The following ASTN1 variants were observed in gnomAD, a reference collection of about 807,000 sequenced individuals.
The protein encoded by ASTN1 is astrotactin 1.
Under a neutral mutation model 140.7 loss-of-function variants are expected in ASTN1, and 41 were observed. The ratio of observed to expected loss-of-function variants is 0.29; its 90% CI spans 0.23 to 0.38. ASTN1 has a LOEUF of 0.38. Ranked by LOEUF, ASTN1 falls within the 10% of genes least tolerant of loss-of-function variation. The pLI, the probability that ASTN1 is intolerant of heterozygous loss-of-function variation, is 1.00. For missense variants in ASTN1, 1,479 were observed against 1,678.8 expected (o/e 0.88, Z 2.08); for synonymous variants, 640 against 652.2 (o/e 0.98, Z 0.29).
intron 11 of ASTN1, among the ~76,000 whole-genome samples, chr1:176,955,684 C>T (rs1248069486): frequency 6.6e-6 from 1 of 152,182 alleles, no homozygotes; most frequent in Non-Finnish European, 1.5e-5. Flanking sequence ...TACAAAAATC[C>T]ATCAGCATAG....
At chr1:177,106,701 G>A (rs570775688) in intron 1 of ASTN1, among the ~76,000 whole-genome samples, 4 of 152,262 alleles carry the variant, frequency 2.6e-5, no homozygotes, top group African/African-American at 9.6e-5. Flanking sequence ...CTCATTTCCT[G>A]CAATTCACAG....
intron 1 of ASTN1, among the ~76,000 whole-genome samples, chr1:177,069,240 A>T (rs924192406): frequency 1.3e-5 from 2 of 152,140 alleles, no homozygotes; most frequent in Non-Finnish European, 2.9e-5. Context: ...TTTTCAATGA[A>T]TTATTAACCT....
intron 1 of ASTN1, among the ~76,000 whole-genome samples, chr1:177,161,547 G>C (rs1260694299): frequency 6.6e-6 from 1 of 152,194 alleles, no homozygotes; most frequent in African/African-American, 2.4e-5. Flanking sequence ...CCACCTAATA[G>C]AGAAAGGGCA....
intron 8 of ASTN1, among the ~76,000 whole-genome samples, chr1:176,994,707 C>T (rs553523763): frequency 5.3e-5 from 8 of 152,212 alleles, no homozygotes; most frequent in Admixed American, 3.9e-4. Flanking sequence ...TCAGCTAAAA[C>T]GGCCTTTGTG....
chr1:177,013,158 A>C (rs1675377033), intron 8 of ASTN1, among the ~76,000 whole-genome samples: 1 of 152,118 alleles, frequency 6.6e-6, no homozygotes, highest in Admixed American at 6.5e-5. Context: ...CTGCCCTTCT[A>C]CAAACACCTT....
intron 1 of ASTN1, among the ~76,000 whole-genome samples, chr1:177,127,851 G>A (rs1681733258): frequency 6.6e-6 from 1 of 152,218 alleles, no homozygotes; most frequent in South Asian, 2.1e-4. Context: ...GTACGCATAT[G>A]ATGCAAAACG....
At chr1:177,104,938 T>C (rs574615020) in intron 1 of ASTN1, among the ~76,000 whole-genome samples, 6 of 152,190 alleles carry the variant, frequency 3.9e-5, no homozygotes, top group Admixed American at 3.9e-4. Flanking sequence ...TTTCATGAAG[T>C]ATCATTTTGA....
chr1:176,918,058 C>T (rs1288415438), intron 16 of ASTN1, among the ~76,000 whole-genome samples: 2 of 152,126 alleles, frequency 1.3e-5, no homozygotes, highest in African/African-American at 4.8e-5. Flanking sequence ...ACTAATCTCA[C>T]TCTGCCTCTC....
chr1:176,945,238 G>T (rs1339028664), intron 13 of ASTN1, among the ~76,000 whole-genome samples: 1 of 151,852 alleles, frequency 6.6e-6, no homozygotes, highest in East Asian at 1.9e-4. Flanking sequence ...GCCCCAAGTA[G>T]CTTTATTATA....
In ASTN1 at chr1:177,069,837, T is replaced by C. The variant is rs138916256; in HGVS notation, c.284-8572A>G. Among the ~76,000 whole-genome samples the C allele has an allele frequency of 2.0e-5, 3 of 151,998 alleles. No individual in the cohort carries two copies. The East Asian group carries it at 5.8e-4, about 29-fold the overall frequency. ...AAAGAGTTTATCCACATGATACTCA[T>C]TAAAGTCTCATTTGAAAGGATAAAG... On this transcript the variant is annotated intron_variant, in intron 1 of 22. Transcript: ENST00000361833.
At chr1:177,152,442 TA>T (rs1683080083) in intron 1 of ASTN1, among the ~76,000 whole-genome samples, 1 of 148,740 alleles carries the variant, frequency 6.7e-6, no homozygotes. Flanking sequence ...AATAAATAAA[TA>T]AAAAAGGAAA....
At position 176,863,258 on chromosome 1, in the gene ASTN1, A is replaced by C. The variant is rs765483316; in HGVS notation, c.*1026T>G. The C allele has an allele frequency of 5.7e-5, 56 of 985,778 alleles. No homozygotes were observed. Among genetic ancestry groups the C allele is most frequent in the Non-Finnish European group, 6.1e-5 (51 of 829,952 alleles). The allele number at this position is 985,778 out of a possible 1,614,324, so 61.1% of individuals were successfully genotyped here. A position where few individuals can be genotyped will look rare whatever the true frequency, so the allele number is the denominator to read the frequency against. On this transcript the variant is annotated 3_prime_UTR_variant, in exon 23 of 23. Coordinates refer to ENST00000361833, the MANE Select transcript of ASTN1 (RefSeq NM_004319.3). ...AATTTAGCAAGGTGGGGATGAACAG[A>C]AGTTTTTTGTGATCAATAATAGCTT...
chr1:177,062,774 T>C (rs16850706), intron 1 of ASTN1, among the ~76,000 whole-genome samples: 3,491 of 152,284 alleles, frequency 0.023, 120 homozygotes, highest in East Asian at 0.11. Flanking sequence ...TATTTATTTA[T>C]CGATTGGTTT....
chr1:177,109,496 C>T (rs1258172273), intron 1 of ASTN1, among the ~76,000 whole-genome samples: 1 of 151,984 alleles, frequency 6.6e-6, no homozygotes, highest in East Asian at 1.9e-4. Flanking sequence ...GACAGACATT[C>T]CATTGCCGTA....
At chr1:177,033,259 G>A (rs1676543335) in intron 2 of ASTN1, among the ~76,000 whole-genome samples, 3 of 151,740 alleles carry the variant, frequency 2.0e-5, no homozygotes, top group Non-Finnish European at 4.4e-5. Flanking sequence ...AGCAATATGG[G>A]GTGACATCTG....
chr1:176,975,271 G>A (rs527409605), intron 8 of ASTN1, among the ~76,000 whole-genome samples: 1 of 152,332 alleles, frequency 6.6e-6, no homozygotes, highest in South Asian at 2.1e-4. Context: ...GAACTCTACA[G>A]CTGTGTTATT....
intron 1 of ASTN1, among the ~76,000 whole-genome samples, chr1:177,093,585 T>G (rs1198592440): frequency 1.3e-5 from 2 of 152,156 alleles, no homozygotes; most frequent in Non-Finnish European, 2.9e-5. Context: ...ACTTTTGCCC[T>G]TTGTGTAAAA....
chr1:177,095,287 C>T (rs1442956178), intron 1 of ASTN1, among the ~76,000 whole-genome samples: 1 of 152,156 alleles, frequency 6.6e-6, no homozygotes, highest in Non-Finnish European at 1.5e-5. Context: ...TAGGAGAGAA[C>T]AAGAGTGTAG....
rs1478103823 is a variant in ASTN1 at position 176,928,912 on chromosome 1, G to C, written c.2671+5240C>G. 3.3e-5 allele frequency among the ~76,000 whole-genome samples: 5 copies of C among 152,156 alleles called. No homozygotes were observed. In the East Asian group the frequency reaches 5.8e-4, roughly 18 times the overall value. On this transcript the variant is annotated intron_variant, in intron 16 of 22. Coordinates refer to ENST00000361833, the MANE Select transcript of ASTN1 (RefSeq NM_004319.3). ...ACAGAACAGACACAAAGGGACAAGAGAGTTTCAAGTGGAGGACAAGAGAAG... is the reference window on the plus strand; with the variant it reads ...ACAGAACAGACACAAAGGGACAAGACAGTTTCAAGTGGAGGACAAGAGAAG...
Sources: allele counts gnomAD v4.1 joint callset (sites outside exome capture counted in the v4.1 genomes callset), GRCh38; gene constraint gnomAD v4.1.1; transcripts MANE v1.5; gene names NCBI Gene and HGNC (gene_info 2026-07-23, HGNC 2026-07-21).